Variants in ASIC2 observed in about 807,000 individuals in gnomAD.
ASIC2 encodes acid-sensing ion channel 2.
A neutral mutation model predicts 57.3 loss-of-function variants in ASIC2; 25 were observed. The ratio of observed to expected loss-of-function variants is 0.44; its 90% CI spans 0.32 to 0.61. The LOEUF (loss-of-function observed/expected upper bound fraction) is 0.61. Ranked by LOEUF, ASIC2 falls within the 20% of genes least tolerant of loss-of-function variation. The pLI is 0.06. For missense variants in ASIC2, 641 were observed against 738.1 expected, an observed-to-expected ratio of 0.87 and a Z score of 1.52; for synonymous variants, 319 against 307.5, an observed-to-expected ratio of 1.04 and a Z score of -0.39.
At chr17:34,093,115 A>G (rs571986331) in intron 1 of ASIC2, among the ~76,000 whole-genome samples, 5 of 152,350 alleles carry the variant, frequency 3.3e-5, no homozygotes, top group Non-Finnish European at 7.3e-5. Context: ...AATAGGTAAT[A>G]GAAGCTTTAT....
intron 1 of ASIC2, among the ~76,000 whole-genome samples, chr17:34,120,722 C>CTTTTTTTTT (rs142959293): frequency 1.1e-5 from 1 of 94,626 alleles, no homozygotes; most frequent in Non-Finnish European, 2.0e-5. Context: ...TGGGGTCCTT[C>CTTTTTTTTT]TTTTTTTTTT....
At chr17:33,568,437 T>G (rs1192460662) in intron 1 of ASIC2, among the ~76,000 whole-genome samples, 1 of 152,240 alleles carries the variant, frequency 6.6e-6, no homozygotes, top group East Asian at 1.9e-4. Flanking sequence ...CTATTTCATT[T>G]CAACTTCCAC....
intron 1 of ASIC2, among the ~76,000 whole-genome samples, chr17:33,273,160 G>A (rs1904573271): frequency 6.6e-6 from 1 of 152,122 alleles, no homozygotes; most frequent in African/African-American, 2.4e-5. Context: ...AAAGCTTAAG[G>A]TGAGTTTAGG....
chr17:33,278,049 C>T (rs935496104), intron 1 of ASIC2, among the ~76,000 whole-genome samples: 7 of 152,100 alleles, frequency 4.6e-5, no homozygotes, highest in Admixed American at 1.3e-4. Flanking sequence ...TGGCTGTTAC[C>T]CTGTTTGGAA....
intron 1 of ASIC2, among the ~76,000 whole-genome samples, chr17:33,298,329 T>A (rs1331114246): frequency 1.3e-5 from 2 of 152,106 alleles, no homozygotes; most frequent in Non-Finnish European, 2.9e-5. Context: ...TTCCCACCTA[T>A]GAGTGAGAAC....
At chr17:34,042,353 T>C (rs1908169807) in intron 1 of ASIC2, among the ~76,000 whole-genome samples, 2 of 152,012 alleles carry the variant, frequency 1.3e-5, no homozygotes, top group Admixed American at 6.6e-5. Context: ...TGATAAACAA[T>C]AGAATACTAC....
At chr17:33,910,117 C>T (rs1481820062) in intron 1 of ASIC2, among the ~76,000 whole-genome samples, 1 of 152,178 alleles carries the variant, frequency 6.6e-6, no homozygotes, top group Non-Finnish European at 1.5e-5. Flanking sequence ...GAAATGTTGG[C>T]TATTAATATT....
At chr17:33,867,306 T>G (rs1377843870) in intron 1 of ASIC2, among the ~76,000 whole-genome samples, 2 of 152,232 alleles carry the variant, frequency 1.3e-5, no homozygotes, top group Non-Finnish European at 2.9e-5. Context: ...TCCTCTTTCC[T>G]GATCCCCTGT....
At chr17:33,888,293 T>G (rs1239733275) in intron 1 of ASIC2, among the ~76,000 whole-genome samples, 2 of 152,030 alleles carry the variant, frequency 1.3e-5, no homozygotes, top group African/African-American at 4.8e-5. Context: ...ACAGGTAGGG[T>G]GCAGTGGGAA....
At position 34,156,206 on chromosome 17, in the gene ASIC2, A is replaced by G. The variant is rs1247518811; in HGVS notation, c.327T>C (p.His109=). 4 of 1,614,128 alleles carry G rather than the reference A, an allele frequency of 2.5e-6. No individual in the cohort carries two copies. The highest frequency in any genetic ancestry group is 3.4e-6 in the Non-Finnish European group (4 of 1,180,012). ...CCAGCAGGGCCAGCAGCTCCCCAGC[A>G]TGGTACAGGTCATTGGTGGTGAGCC... Residue 109 remains histidine (H), a synonymous_variant, in exon 1 of 10, where the codon CAT becomes CAC. Transcript: ENST00000359872. The surrounding 1 kb of genome is among the most constrained non-coding windows in gnomAD (Gnocchi z 4.4).
At chr17:33,737,733 C>A (rs1400333910) in intron 1 of ASIC2, among the ~76,000 whole-genome samples, 1 of 150,578 alleles carries the variant, frequency 6.6e-6, no homozygotes, top group South Asian at 2.1e-4. Context: ...CCTGAACTAA[C>A]AGGAAAGCGT....
chr17:33,590,347 T>C (rs7222908), intron 1 of ASIC2, among the ~76,000 whole-genome samples: 23,110 of 152,122 alleles, frequency 0.15, 2,640 homozygotes, highest in East Asian at 0.34. Context: ...ATTGTTGTCC[T>C]CTTTGTTAGG....
intron 1 of ASIC2, among the ~76,000 whole-genome samples, chr17:33,169,669 T>C (rs897931354): frequency 7.2e-5 from 11 of 152,196 alleles, no homozygotes; most frequent in Non-Finnish European, 1.5e-4. Context: ...CTAGCGTCTC[T>C]TGCAGTGTTT....
chr17:33,774,797 T>C (rs1175835282), intron 1 of ASIC2, among the ~76,000 whole-genome samples: 1 of 152,192 alleles, frequency 6.6e-6, no homozygotes, highest in African/African-American at 2.4e-5. Flanking sequence ...GTCTGCAACA[T>C]GTACCATCCC....
intron 1 of ASIC2, among the ~76,000 whole-genome samples, chr17:33,332,032 A>T (rs1465674408): frequency 6.6e-6 from 1 of 152,232 alleles, no homozygotes; most frequent in Admixed American, 6.5e-5. Flanking sequence ...CAAGCTGATC[A>T]ATTGGTTCTG....
chr17:34,060,934 A>C (rs1306092280), intron 1 of ASIC2, among the ~76,000 whole-genome samples: 4 of 152,204 alleles, frequency 2.6e-5, no homozygotes, highest in Non-Finnish European at 5.9e-5. Context: ...TTGGGGAATA[A>C]TTGAGGACAA....
intron 1 of ASIC2, among the ~76,000 whole-genome samples, chr17:33,191,510 T>C (rs1906415895): frequency 6.6e-6 from 1 of 150,792 alleles, no homozygotes; most frequent in Admixed American, 6.6e-5. Context: ...AATACAGCCA[T>C]AAAATGTTAA....
intron 1 of ASIC2, among the ~76,000 whole-genome samples, chr17:33,493,978 G>A (rs1205833307): frequency 6.6e-6 from 1 of 152,218 alleles, no homozygotes; most frequent in Non-Finnish European, 1.5e-5. Flanking sequence ...TCTCAAAGGT[G>A]GGAGACTCTT....
At chr17:33,626,672 T>C (rs9889621) in intron 1 of ASIC2, among the ~76,000 whole-genome samples, 2 of 152,160 alleles carry the variant, frequency 1.3e-5, no homozygotes, top group Non-Finnish European at 2.9e-5. Context: ...CTAGAGGCTC[T>C]CCTCTTCTTT....
Sources: allele counts gnomAD v4.1 joint callset (sites outside exome capture counted in the v4.1 genomes callset), GRCh38; gene constraint gnomAD v4.1.1; non-coding constraint Gnocchi (gnomAD v3.1); transcripts MANE v1.5; gene names NCBI Gene and HGNC (gene_info 2026-07-23, HGNC 2026-07-21).